KLF13: variants seen among roughly 807,000 people sequenced by gnomAD.
KLF13 encodes Krueppel-like factor 13.
KLF13 carries 8 observed loss-of-function variants against 16.7 expected under a neutral mutation model. The observed-to-expected ratio is 0.48, with a 90% CI of 0.28 to 0.87. KLF13 has a LOEUF of 0.87. Ranked by LOEUF, KLF13 falls within the 40% of genes least tolerant of loss-of-function variation. The pLI is 0.10. For synonymous variants in KLF13, 245 were observed against 208.4 expected, an observed-to-expected ratio of 1.18 and a Z score of -1.51; for missense variants, 447 against 452.2, an observed-to-expected ratio of 0.99 and a Z score of 0.10.
Position 31,373,980 on chromosome 15 carries a change from T to C in KLF13, c.*1681T>C, listed in dbSNP as rs1447280406. 6.6e-6 allele frequency: 1 copy of C among 152,624 alleles called. No homozygotes were observed. The highest frequency in any genetic ancestry group is 2.4e-5 in the African/African-American group (1 of 41,428). 9.5% of individuals were successfully genotyped at this position (152,624 alleles called of 1,614,324 possible). A position where few individuals can be genotyped will look rare whatever the true frequency, so the allele number is the denominator to read the frequency against. On this transcript the variant is annotated 3_prime_UTR_variant, in exon 2 of 2. Coordinates refer to ENST00000307145, the MANE Select transcript of KLF13 (RefSeq NM_015995.4). ...CTATTTTGATGCAAAGGAACGGCCC[T>C]GGGACCTCAGAGGGCCACAGATGGG...
intron 1 of KLF13, among the ~76,000 whole-genome samples, chr15:31,355,336 A>G (rs1026388253): frequency 2.0e-5 from 3 of 152,214 alleles, no homozygotes; most frequent in Non-Finnish European, 4.4e-5. Flanking sequence ...AGGAGCTACT[A>G]GGAGAAGAAA....
chr15:31,327,340 C>T lies in KLF13; in HGVS notation c.128C>T (p.Thr43Ile), dbSNP rs927349524. The T allele has an allele frequency of 3.9e-6, 5 of 1,277,724 alleles. No homozygotes were observed. The Admixed American group carries it at 1.3e-4, about 33-fold the overall frequency. 79.1% of individuals were successfully genotyped at this position (1,277,724 alleles called of 1,614,324 possible). A position where few individuals can be genotyped will look rare whatever the true frequency, so the allele number is the denominator to read the frequency against. The change falls in exon 1 of 2, where the codon ACC becomes ATC. Residue 43 changes from threonine (T) to isoleucine (I), a missense_variant. Physicochemically the swap from Thr to Ile is moderately conservative, Grantham distance 89. Transcript: ENST00000307145. ...SRPEGAAVAA[T>I]PTLPRVEERR... Reference sequence around the variant, plus strand: ...CCCGAGGGCGCGGCCGTGGCCGCCACCCCCACGCTGCCCCGCGTCGAGGAG... The same window carrying T: ...CCCGAGGGCGCGGCCGTGGCCGCCATCCCCACGCTGCCCCGCGTCGAGGAG...
At chr15:31,412,817 G>C (rs78909031) in intron 1 of KLF13, among the ~76,000 whole-genome samples, 4,893 of 152,256 alleles carry the variant, frequency 0.032, 256 homozygotes, top group African/African-American at 0.11. Flanking sequence ...AGGGCCTCTA[G>C]AGAACAGTGC....
downstream of KLF13, among the ~76,000 whole-genome samples, chr15:31,406,297 C>T (rs369386963): frequency 9.3e-4 from 142 of 152,154 alleles, no homozygotes; most frequent in African/African-American, 3.0e-3. Flanking sequence ...GCCAACATGG[C>T]GAAACCCCAT....
Position 31,327,688 on chromosome 15 carries a change from A to G in KLF13, c.476A>G (p.Asp159Gly), listed in dbSNP as rs1190703376. Residue 159 changes from aspartate to glycine, a missense_variant, in exon 1 of 2, where the codon GAC becomes GGC. Physicochemically the swap from Asp to Gly is moderately conservative, Grantham distance 94. Coordinates refer to ENST00000307145, the MANE Select transcript of KLF13 (RefSeq NM_015995.4). Reference sequence around the variant, plus strand: ...GTCCGGCGGGGCCGAAGTCGCGCCGACCTCGAGTCCCCGCAGAGGAAGCAC... The same window carrying G: ...GTCCGGCGGGGCCGAAGTCGCGCCGGCCTCGAGTCCCCGCAGAGGAAGCAC... ...QRVRRGRSRA[D>G]LESPQRKHKC... The G allele has an allele frequency of 1.3e-6, 2 of 1,530,576 alleles. No individual in the cohort carries two copies. The highest frequency in any genetic ancestry group is 2.7e-5 in the East Asian group (1 of 37,012). 94.8% of individuals were successfully genotyped at this position (1,530,576 alleles called of 1,614,324 possible). A position where few individuals can be genotyped will look rare whatever the true frequency, so the allele number is the denominator to read the frequency against.
chr15:31,410,722 A>G (rs1009439949), intron 1 of KLF13, among the ~76,000 whole-genome samples: 1 of 152,142 alleles, frequency 6.6e-6, no homozygotes, highest in Non-Finnish European at 1.5e-5. Flanking sequence ...AAAAGCCACA[A>G]CAATCCTAAA....
chr15:31,362,159 C>T (rs1055519365), intron 1 of KLF13, among the ~76,000 whole-genome samples: 7 of 152,136 alleles, frequency 4.6e-5, no homozygotes, highest in East Asian at 1.9e-4. Flanking sequence ...GGGCTTCTGA[C>T]GTGGAATTAC....
chr15:31,353,429 C>T (rs2039248450), intron 1 of KLF13, among the ~76,000 whole-genome samples: 1 of 146,598 alleles, frequency 6.8e-6, no homozygotes, highest in African/African-American at 2.5e-5. Flanking sequence ...CCTGGGCTGG[C>T]AAAGTCCCTG....
At chr15:31,331,755 G>A (rs1214737168) in intron 1 of KLF13, among the ~76,000 whole-genome samples, 11 of 152,212 alleles carry the variant, frequency 7.2e-5, no homozygotes, top group African/African-American at 2.7e-4. Context: ...TATGCAGCAT[G>A]GGAGGTGCCA....
chr15:31,435,139 G>A (rs753115108), intron 1 of KLF13, among the ~76,000 whole-genome samples: 1 of 152,126 alleles, frequency 6.6e-6, no homozygotes, highest in Admixed American at 6.5e-5. Flanking sequence ...TTTAAGTTTT[G>A]TCTATGTTTT....
At chr15:31,398,976 C>T (rs1247424728) in intron 2 of KLF13, among the ~76,000 whole-genome samples, 1 of 152,208 alleles carries the variant, frequency 6.6e-6, no homozygotes, top group African/African-American at 2.4e-5. Flanking sequence ...CAGTGTCACA[C>T]AGCCCCAAGC....
intron 1 of KLF13, 95 bp from the exon 2 acceptor site, chr15:31,371,915 G>C: frequency 7.3e-7 from 1 of 1,367,606 alleles, no homozygotes; most frequent in Non-Finnish European, 9.9e-7. Flanking sequence ...GGGGTGTTGA[G>C]AGACCAGGGT....
chr15:31,393,128 T>A (rs568324425), exon 1 of KLF13: 115 of 152,268 alleles, frequency 7.6e-4, no homozygotes, highest in African/African-American at 2.8e-3. Flanking sequence ...CCCCTCTTGC[T>A]CCAGGGGCCT....
chr15:31,335,475 GTAT>G (rs2038915295), intron 1 of KLF13, among the ~76,000 whole-genome samples: 13 of 22,746 alleles, frequency 5.7e-4, no homozygotes, highest in Non-Finnish European at 7.2e-4. Context: ...GTGTGTGTGT[GTAT>G]GGTGGCGGGG....
At chr15:31,433,600 C>T (rs775888680) in intron 1 of KLF13, among the ~76,000 whole-genome samples, 1 of 152,252 alleles carries the variant, frequency 6.6e-6, no homozygotes, top group Non-Finnish European at 1.5e-5. Flanking sequence ...TCCCACCTCC[C>T]GTTCTACTGA....
intron 1 of KLF13, among the ~76,000 whole-genome samples, chr15:31,330,312 C>A (rs1258095857): frequency 1.3e-5 from 2 of 152,176 alleles, no homozygotes; most frequent in African/African-American, 4.8e-5. Flanking sequence ...TGCCGGGCCC[C>A]GTACTCCATT....
At chr15:31,354,338 G>A (rs947777566) in intron 1 of KLF13, among the ~76,000 whole-genome samples, 5 of 152,200 alleles carry the variant, frequency 3.3e-5, no homozygotes, top group African/African-American at 1.2e-4. Context: ...TCCAGGCAGG[G>A]CCTAGGGTTG....
chr15:31,397,525 GGC>G (rs1156857850), intron 2 of KLF13, among the ~76,000 whole-genome samples: 1 of 152,238 alleles, frequency 6.6e-6, no homozygotes, highest in Non-Finnish European at 1.5e-5. Context: ...TCAAGGGAGG[GGC>G]GCTGGGAAGT....
chr15:31,381,380 A>G (rs1312123287), downstream of KLF13, among the ~76,000 whole-genome samples: 2 of 152,168 alleles, frequency 1.3e-5, no homozygotes, highest in African/African-American at 4.8e-5. Context: ...GAGGCCACCT[A>G]CGTTCCTTGG....
Sources: allele counts gnomAD v4.1 joint callset (sites outside exome capture counted in the v4.1 genomes callset), GRCh38; gene constraint gnomAD v4.1.1; transcripts MANE v1.5; gene names NCBI Gene and HGNC (gene_info 2026-07-23, HGNC 2026-07-21).